Variants in GULP1 observed in about 807,000 individuals in gnomAD.
The protein encoded by GULP1 is PTB domain-containing engulfment adapter protein 1.
Under a neutral mutation model 40.9 loss-of-function variants are expected in GULP1, and 19 were observed. That is an observed-to-expected ratio of 0.46 (90% confidence interval 0.32 to 0.68). The LOEUF (loss-of-function observed/expected upper bound fraction) is 0.68. Ranked by LOEUF, GULP1 falls within the 30% of genes least tolerant of loss-of-function variation. GULP1 has a pLI of 0.03. For synonymous variants in GULP1, 119 were observed against 117.6 expected (o/e 1.01, Z -0.08); for missense variants, 312 against 362.2 (o/e 0.86, Z 1.12).
At chr2:188,384,179 AAAG>A (rs2049361555) in intron 2 of GULP1, 1 of 152,160 alleles carries the variant, frequency 6.6e-6, no homozygotes, top group African/African-American at 2.4e-5. Context: ...TGCAACTGAT[AAAG>A]ACATACTCAT....
At chr2:188,423,043 A>T (rs892348634) in intron 2 of GULP1, among the ~76,000 whole-genome samples, 1 of 152,096 alleles carries the variant, frequency 6.6e-6, no homozygotes, top group African/African-American at 2.4e-5. Context: ...TTCAAGAGTC[A>T]ACTAAATTTG....
At chr2:188,489,058 TA>T (rs1478693505) in intron 4 of GULP1, among the ~76,000 whole-genome samples, 1 of 151,976 alleles carries the variant, frequency 6.6e-6, no homozygotes. Context: ...GAACATATGA[TA>T]AATTACCCTT....
intron 4 of GULP1, among the ~76,000 whole-genome samples, chr2:188,499,133 GTGTATATATATATA>G (rs1247267962): frequency 0.017 from 2,050 of 120,702 alleles, 34 homozygotes; most frequent in East Asian, 0.024. Context: ...ATATATGTGT[GTGTATATATATATA>G]TATATATATA....
At chr2:188,340,381 C>G (rs1193442950) in intron 1 of GULP1, among the ~76,000 whole-genome samples, 1 of 152,158 alleles carries the variant, frequency 6.6e-6, no homozygotes, top group Admixed American at 6.5e-5. Context: ...ACAGGGGTGC[C>G]TTGCTTACTC....
intron 11 of GULP1, chr2:188,589,511 T>C (rs1259561461): frequency 2.9e-6 from 1 of 342,690 alleles, no homozygotes; most frequent in Non-Finnish European, 5.3e-6. Flanking sequence ...TCATACAGAG[T>C]ACTTCTCTAA....
At chr2:188,429,320 T>G (rs768415989) in intron 2 of GULP1, among the ~76,000 whole-genome samples, 2 of 152,094 alleles carry the variant, frequency 1.3e-5, no homozygotes, top group Non-Finnish European at 2.9e-5. Context: ...CTGGCCAACA[T>G]GGCAAAACCC....
intron 2 of GULP1, among the ~76,000 whole-genome samples, chr2:188,432,518 A>G (rs547942174): frequency 6.6e-6 from 1 of 152,110 alleles, no homozygotes; most frequent in Non-Finnish European, 1.5e-5. Flanking sequence ...TTAAACCGAC[A>G]ACACTGAATA....
chr2:188,374,708 G>A (rs2048069025), intron 1 of GULP1, among the ~76,000 whole-genome samples: 4 of 151,728 alleles, frequency 2.6e-5, no homozygotes, highest in South Asian at 2.1e-4. Flanking sequence ...GACCAGTCCT[G>A]GAACTACAGC....
chr2:188,435,829 A>G (rs1032114334), intron 2 of GULP1, among the ~76,000 whole-genome samples: 3 of 152,062 alleles, frequency 2.0e-5, no homozygotes, highest in Non-Finnish European at 4.4e-5. Flanking sequence ...CTCTAATGTT[A>G]GGCAAAGACT....
At chr2:188,421,958 A>T (rs947696571) in intron 2 of GULP1, among the ~76,000 whole-genome samples, 3 of 152,148 alleles carry the variant, frequency 2.0e-5, no homozygotes, top group Non-Finnish European at 4.4e-5. Context: ...AAGAAAAAGT[A>T]TCGGACCAAA....
chr2:188,499,263 A>G (rs755809153), intron 4 of GULP1, among the ~76,000 whole-genome samples: 9 of 150,334 alleles, frequency 6.0e-5, no homozygotes, highest in Non-Finnish European at 1.0e-4. Context: ...CATCTTTCAC[A>G]TAAGCAATTC....
chr2:188,349,380 C>T (rs1229708175), intron 1 of GULP1, among the ~76,000 whole-genome samples: 1 of 152,116 alleles, frequency 6.6e-6, no homozygotes, highest in South Asian at 2.1e-4. Context: ...ATGAGGGTTC[C>T]AATTTCTTTT....
At chr2:188,468,487 C>G (rs2060313102) in intron 2 of GULP1, among the ~76,000 whole-genome samples, 1 of 152,076 alleles carries the variant, frequency 6.6e-6, no homozygotes, top group Non-Finnish European at 1.5e-5. Flanking sequence ...TGTAATTCAA[C>G]ATATATTAAC....
intron 9 of GULP1, among the ~76,000 whole-genome samples, chr2:188,577,553 C>T (rs1007593667): frequency 2.0e-5 from 3 of 152,078 alleles, no homozygotes; most frequent in South Asian, 2.1e-4. Flanking sequence ...CCCTGTCTAA[C>T]GGGAAGAAAA....
chr2:188,326,997 G>T (rs2040849118), intron 1 of GULP1, among the ~76,000 whole-genome samples: 2 of 152,102 alleles, frequency 1.3e-5, no homozygotes, highest in South Asian at 4.1e-4. Flanking sequence ...TGGGTCGAGG[G>T]CTCTAGCTGA....
At chr2:188,502,451 A>G (rs1264825173) in intron 4 of GULP1, among the ~76,000 whole-genome samples, 1 of 151,912 alleles carries the variant, frequency 6.6e-6, no homozygotes, top group Non-Finnish European at 1.5e-5. Context: ...TTCCCTCTAA[A>G]GTAATGTCTA....
At chr2:188,534,265 A>G (rs954504734) in intron 6 of GULP1, among the ~76,000 whole-genome samples, 3 of 152,008 alleles carry the variant, frequency 2.0e-5, no homozygotes, top group African/African-American at 7.3e-5. Context: ...GATTGGATAA[A>G]GAAAATGTGG....
chr2:188,375,288 C>T (rs933962972), intron 1 of GULP1, among the ~76,000 whole-genome samples: 1 of 152,250 alleles, frequency 6.6e-6, no homozygotes, highest in South Asian at 2.1e-4. Context: ...AGCTCCCGAC[C>T]GCTGCATCCT....
At position 188,291,995 on chromosome 2, in the gene GULP1, A is replaced by C. The variant is rs1040235100; in HGVS notation, c.-343A>C. On this transcript the variant is annotated 5_prime_UTR_variant, in exon 1 of 12. Transcript: ENST00000409830. Reference sequence around the variant, plus strand: ...GGGAGAGAGCGCGAAGAGGGAGGGGACCGAAGCTGGAGGGTCCCGAGTCCA... The same window carrying C: ...GGGAGAGAGCGCGAAGAGGGAGGGGCCCGAAGCTGGAGGGTCCCGAGTCCA... 6.6e-6 allele frequency: 1 copy of C among 152,156 alleles called. No homozygotes were observed. The highest frequency in any genetic ancestry group is 1.5e-5 in the Non-Finnish European group (1 of 68,088). 9.4% of individuals were successfully genotyped at this position (152,156 alleles called of 1,614,324 possible).
Sources: gnomAD v4.1 joint callset for allele counts (sites outside exome capture counted in the v4.1 genomes callset) on GRCh38, gnomAD v4.1.1 for gene constraint, MANE v1.5 for transcripts, NCBI Gene and HGNC (gene_info 2026-07-23, HGNC 2026-07-21) for gene names.